Variants in SPECC1 observed in about 807,000 individuals in gnomAD.
The protein encoded by SPECC1 is sperm antigen with calponin homology and coiled-coil domains 1.
A neutral mutation model predicts 104.1 loss-of-function variants in SPECC1; 62 were observed. The observed-to-expected ratio is 0.60, with a 90% CI of 0.49 to 0.74. The LOEUF (loss-of-function observed/expected upper bound fraction) is 0.74. SPECC1 is among the 30% of genes least tolerant of loss of function. The probability of loss-of-function intolerance (pLI) is 0.00; values close to 1 mark genes in which losing one functional copy is unlikely to be tolerated. For missense variants in SPECC1, 1,306 were observed against 1,310.5 expected (o/e 1.00, Z 0.05); for synonymous variants, 513 against 501.6 (o/e 1.02, Z -0.30).
At chr17:20,229,254 T>C (rs1349479075) in intron 5 of SPECC1, among the ~76,000 whole-genome samples, 5 of 152,090 alleles carry the variant, frequency 3.3e-5, no homozygotes, top group Non-Finnish European at 5.9e-5. Flanking sequence ...CTGTCCACTG[T>C]CCCCAAGCAC....
At chr17:20,186,322 A>T (rs1239083518) in intron 3 of SPECC1, among the ~76,000 whole-genome samples, 8 of 148,586 alleles carry the variant, frequency 5.4e-5, no homozygotes, top group African/African-American at 1.5e-4. Context: ...ATTACATCTT[A>T]AAAAAAGCAA....
chr17:20,153,943 T>G (rs2032234138), intron 3 of SPECC1, among the ~76,000 whole-genome samples: 1 of 152,246 alleles, frequency 6.6e-6, no homozygotes, highest in African/African-American at 2.4e-5. Context: ...TCCTGCTATT[T>G]ATTTTCCTTA....
rs780961541 is a variant in SPECC1, at chr17:20,205,150, A to C, written c.1101A>C (p.Glu367Asp). 6.2e-7 allele frequency: 1 copy of C among 1,614,182 alleles called. No individual in the cohort carries two copies. The highest frequency in any genetic ancestry group is 8.5e-7 in the Non-Finnish European group (1 of 1,180,036). ...GGAGTTCCCCAAACAGCGTAAGTGA[A>C]TTGTCCCTGGCTTCCCTCACAGAGA... ...TAGSSPNSVS[E>D]LSLASLTEKI... Residue 367 changes from glutamate to aspartate, a missense_variant, in exon 4 of 15, where the codon GAA becomes GAC. Physicochemically the swap from Glu to Asp is conservative, Grantham distance 45. Around this residue, in one of 2 missense-constraint regions of SPECC1, gnomAD observed 1,177 missense variants for 1,139.9 expected, o/e 1.03. Transcript: ENST00000395527.
rs1432561348 is a variant in SPECC1 at position 20,051,058 on chromosome 17, C to CTTTCTTTCTT, written c.-22+41646_-22+41655dup. Reference sequence around the variant, plus strand: ...CAAATAAGCACTTGGTTCTTTCTTTCTTTCTTTCTTTTTCTTTCTTTCTTT... The same window carrying CTTTCTTTCTT: ...CAAATAAGCACTTGGTTCTTTCTTTCTTTCTTTCTTTTTCTTTCTTTTTCTTTCTTTCTTT... On this transcript the variant is annotated intron_variant, in intron 1 of 14. Transcript: ENST00000395527. Among the ~76,000 whole-genome samples the CTTTCTTTCTT allele has an allele frequency of 5.2e-5, 7 of 134,744 alleles. 1 individual carries two copies. In the South Asian group the frequency reaches 1.4e-3, roughly 28 times the overall value. 88.4% of individuals were successfully genotyped at this position (134,744 alleles called of 152,430 possible).
intron 1 of SPECC1, chr17:20,057,842 T>G (rs1468943847): frequency 6.6e-6 from 1 of 152,192 alleles, no homozygotes; most frequent in Non-Finnish European, 1.5e-5. Flanking sequence ...AATCCACTCT[T>G]TGATTGCATT....
intron 1 of SPECC1, among the ~76,000 whole-genome samples, chr17:20,033,320 A>T (rs146703016): frequency 6.6e-6 from 1 of 151,864 alleles, no homozygotes; most frequent in East Asian, 1.9e-4. Flanking sequence ...TATTGTAGGA[A>T]CTCTGGGTAT....
At chr17:20,021,189 G>A (rs1323442374) in intron 1 of SPECC1, among the ~76,000 whole-genome samples, 1 of 152,048 alleles carries the variant, frequency 6.6e-6, no homozygotes, top group African/African-American at 2.4e-5. Flanking sequence ...AGAGGGGTTG[G>A]TCTTGCTGTC....
chr17:20,253,793 C>T (rs1468539630), intron 10 of SPECC1, among the ~76,000 whole-genome samples: 3 of 152,132 alleles, frequency 2.0e-5, no homozygotes, highest in African/African-American at 7.2e-5. Flanking sequence ...AGCTGCACTT[C>T]TCAGTGCCCT....
chr17:20,115,801 C>T (rs925630667), intron 3 of SPECC1, among the ~76,000 whole-genome samples: 3 of 152,112 alleles, frequency 2.0e-5, no homozygotes, highest in Non-Finnish European at 2.9e-5. Flanking sequence ...CAAAAGCCAG[C>T]GATTCCCATT....
intron 12 of SPECC1, among the ~76,000 whole-genome samples, chr17:20,265,951 A>G (rs1234420619): frequency 6.6e-6 from 1 of 152,188 alleles, no homozygotes; most frequent in Non-Finnish European, 1.5e-5. Context: ...TTTTTATACC[A>G]GTGCCATGCT....
intron 7 of SPECC1, among the ~76,000 whole-genome samples, chr17:20,245,319 A>C (rs1321579395): frequency 1.3e-5 from 2 of 152,188 alleles, no homozygotes; most frequent in African/African-American, 4.8e-5. Flanking sequence ...GAAAGCTGCC[A>C]CCACAGTTGC....
chr17:20,131,639 C>CT (rs541723505), intron 3 of SPECC1, among the ~76,000 whole-genome samples: 1,380 of 117,940 alleles, frequency 0.012, 6 homozygotes, highest in African/African-American at 0.013. Flanking sequence ...CAGTCTTCTT[C>CT]TTTTTTTTTT....
intron 12 of SPECC1, among the ~76,000 whole-genome samples, chr17:20,268,037 G>T (rs1176991230): frequency 6.6e-6 from 1 of 152,260 alleles, no homozygotes; most frequent in East Asian, 1.9e-4. Flanking sequence ...GAAGATACTT[G>T]CAAGTATCTT....
chr17:20,299,555 C>CAA (rs57493380), intron 13 of SPECC1, among the ~76,000 whole-genome samples: 1,203 of 39,834 alleles, frequency 0.03, 88 homozygotes, highest in African/African-American at 0.072. Flanking sequence ...GACCCTGTCT[C>CAA]AAAAAAAAAA....
intron 12 of SPECC1, among the ~76,000 whole-genome samples, chr17:20,266,515 C>T (rs987761624): frequency 2.0e-5 from 3 of 152,136 alleles, no homozygotes; most frequent in Non-Finnish European, 2.9e-5. Context: ...ACCCGGGAGG[C>T]GGAGCTTGCG....
intron 12 of SPECC1, among the ~76,000 whole-genome samples, chr17:20,270,624 A>G (rs76127645): frequency 1.2e-3 from 184 of 148,722 alleles, no homozygotes; most frequent in Non-Finnish European, 2.2e-3. Flanking sequence ...GTCTCTGGGG[A>G]AAAAAAAAAA....
intron 3 of SPECC1, among the ~76,000 whole-genome samples, chr17:20,186,726 TG>T (rs955323389): frequency 2.0e-5 from 3 of 152,130 alleles, no homozygotes; most frequent in African/African-American, 2.4e-5. Context: ...CCACCACACC[TG>T]GGTTTTTTTT....
intron 7 of SPECC1, among the ~76,000 whole-genome samples, chr17:20,243,344 T>C (rs182487626): frequency 1.3e-5 from 2 of 152,340 alleles, no homozygotes; most frequent in East Asian, 3.9e-4. Flanking sequence ...ATACAGAGTT[T>C]TTATTCTTCC....
chr17:20,044,790 G>A (rs962159770), intron 1 of SPECC1, among the ~76,000 whole-genome samples: 1 of 152,158 alleles, frequency 6.6e-6, no homozygotes, highest in African/African-American at 2.4e-5. Flanking sequence ...ATTAAAGTGG[G>A]TTTAGGCAGA....
Sources: allele counts gnomAD v4.1 joint callset (sites outside exome capture counted in the v4.1 genomes callset), GRCh38; gene constraint gnomAD v4.1.1; regional missense constraint gnomAD v4.1.1; transcripts MANE v1.5; gene names NCBI Gene and HGNC (gene_info 2026-07-23, HGNC 2026-07-21).